AKAP6: variants seen among roughly 807,000 people sequenced by gnomAD.
AKAP6 encodes A-kinase anchoring protein 6, also known as A-kinase anchor protein 6.
A neutral mutation model predicts 188.5 loss-of-function variants in AKAP6; 58 were observed. The ratio of observed to expected loss-of-function variants is 0.31; its 90% CI spans 0.25 to 0.38. The LOEUF is 0.38. AKAP6 is among the 10% of genes least tolerant of loss of function. AKAP6 has a pLI of 1.00. For missense variants in AKAP6, 2,710 were observed against 2,740.0 expected (o/e 0.99, Z 0.24); for synonymous variants, 989 against 998.6 (o/e 0.99, Z 0.18).
At position 32,824,193 on chromosome 14, in the gene AKAP6, A is replaced by G. The variant is rs145616968; in HGVS notation, c.6380A>G (p.Asn2127Ser). The G allele has an allele frequency of 5.9e-4, 946 of 1,613,958 alleles. No homozygotes were observed. Among genetic ancestry groups the G allele is most frequent in the Middle Eastern group, 8.3e-4 (5 of 6,058 alleles). Residue 2127 changes from asparagine to serine, a missense_variant, in exon 13 of 14, where the codon AAT becomes AGT. By Grantham distance (46) the Asn-to-Ser change is conservative. Around this residue, in one of 2 missense-constraint regions of AKAP6, gnomAD observed 2,473 missense variants for 2,426.1 expected, o/e 1.02. Transcript: ENST00000280979. ...GACAGTGATTGTGGGGAGGTCACCA[A>G]TTACATAGAAGAGAAAAGCAGCACT... ...SHDSDCGEVT[N>S]YIEEKSSTPL...
intron 1 of AKAP6, among the ~76,000 whole-genome samples, chr14:32,402,363 C>T (rs1044663482): frequency 1.3e-5 from 2 of 152,182 alleles, no homozygotes; most frequent in Admixed American, 6.5e-5. Flanking sequence ...AGTTAACATA[C>T]AGCATTTTTC....
At chr14:32,453,701 A>C (rs1891023840) in intron 2 of AKAP6, among the ~76,000 whole-genome samples, 1 of 139,892 alleles carries the variant, frequency 7.1e-6, no homozygotes, top group Non-Finnish European at 1.5e-5. Context: ...GGTTCACGCC[A>C]TTCTCCTGCC....
At chr14:32,550,345 G>T (rs1033827983) in intron 4 of AKAP6, among the ~76,000 whole-genome samples, 1 of 152,152 alleles carries the variant, frequency 6.6e-6, no homozygotes, top group Admixed American at 6.5e-5. Flanking sequence ...AAGAAGAAAT[G>T]GTTTATAGGC....
At chr14:32,573,328 A>G (rs1884575922) in intron 4 of AKAP6, among the ~76,000 whole-genome samples, 1 of 152,180 alleles carries the variant, frequency 6.6e-6, no homozygotes, top group Admixed American at 6.5e-5. Flanking sequence ...CATGAAGAAA[A>G]TCTGATTTTT....
chr14:32,403,924 G>T (rs896375993), intron 1 of AKAP6, among the ~76,000 whole-genome samples: 7 of 152,096 alleles, frequency 4.6e-5, no homozygotes, highest in African/African-American at 1.7e-4. Flanking sequence ...TTATTTTGCA[G>T]AAATTATGTG....
intron 11 of AKAP6, among the ~76,000 whole-genome samples, chr14:32,750,891 T>TGC (rs2032107509): frequency 6.6e-6 from 1 of 151,010 alleles, no homozygotes; most frequent in Non-Finnish European, 1.5e-5. Context: ...CCTGCCACCA[T>TGC]GCCCGGCTAA....
chr14:32,815,391 C>T (rs1471985310), intron 12 of AKAP6, among the ~76,000 whole-genome samples: 2 of 152,144 alleles, frequency 1.3e-5, no homozygotes, highest in East Asian at 3.9e-4. Context: ...TTTGATTGCT[C>T]TAATGGGTCA....
intron 2 of AKAP6, among the ~76,000 whole-genome samples, chr14:32,499,787 C>A (rs1167088257): frequency 6.6e-6 from 1 of 151,714 alleles, no homozygotes; most frequent in Non-Finnish European, 1.5e-5. Flanking sequence ...TCATTAATCA[C>A]TTAAAAAGAG....
At chr14:32,660,924 A>ACCC (rs1240351554) in intron 7 of AKAP6, among the ~76,000 whole-genome samples, 15 of 41,086 alleles carry the variant, frequency 3.7e-4, no homozygotes, top group Non-Finnish European at 4.8e-4. Context: ...CTTCCCCGCC[A>ACCC]CCCCCCCCCC....
intron 4 of AKAP6, among the ~76,000 whole-genome samples, chr14:32,558,462 G>C (rs11845878): frequency 0.072 from 10,884 of 152,112 alleles, 520 homozygotes; most frequent in African/African-American, 0.13. Flanking sequence ...CACAGGAGAG[G>C]GAATACTTGA....
chr14:32,548,674 G>A (rs1478856436), intron 4 of AKAP6, among the ~76,000 whole-genome samples: 1 of 152,140 alleles, frequency 6.6e-6, no homozygotes, highest in Non-Finnish European at 1.5e-5. Context: ...GACAGAGACA[G>A]ACAAACCAGA....
intron 4 of AKAP6, among the ~76,000 whole-genome samples, chr14:32,576,539 T>A (rs947626215): frequency 6.6e-6 from 1 of 152,218 alleles, no homozygotes; most frequent in Non-Finnish European, 1.5e-5. Flanking sequence ...GGTCCCACTT[T>A]CTACGCTTCC....
At chr14:32,772,159 A>G (rs2032919841) in intron 11 of AKAP6, among the ~76,000 whole-genome samples, 1 of 152,108 alleles carries the variant, frequency 6.6e-6, no homozygotes, top group African/African-American at 2.4e-5. Flanking sequence ...TTGTAGGAAG[A>G]GATGGTAACA....
chr14:32,531,270 A>T (rs1882402281), intron 2 of AKAP6, among the ~76,000 whole-genome samples: 7 of 152,192 alleles, frequency 4.6e-5, no homozygotes, highest in Admixed American at 4.6e-4. Flanking sequence ...GTGTTAACTC[A>T]CTTTGAGATG....
intron 3 of AKAP6, among the ~76,000 whole-genome samples, chr14:32,541,097 C>G (rs1387295098): frequency 1.3e-5 from 2 of 151,948 alleles, no homozygotes; most frequent in African/African-American, 4.8e-5. Context: ...AGTTATTACC[C>G]CACAAGTGAT....
intron 5 of AKAP6, among the ~76,000 whole-genome samples, chr14:32,598,517 A>C (rs965572093): frequency 6.6e-6 from 1 of 152,176 alleles, no homozygotes; most frequent in Non-Finnish European, 1.5e-5. Context: ...ATGGATATCC[A>C]CAATTCCTGC....
intron 1 of AKAP6, among the ~76,000 whole-genome samples, chr14:32,424,245 C>T (rs1158418332): frequency 6.6e-6 from 1 of 151,968 alleles, no homozygotes; most frequent in Non-Finnish European, 1.5e-5. Context: ...AGATTTATTC[C>T]AAACTCCATA....
intron 11 of AKAP6, among the ~76,000 whole-genome samples, chr14:32,760,129 A>T (rs2032488139): frequency 6.6e-6 from 1 of 152,234 alleles, no homozygotes; most frequent in African/African-American, 2.4e-5. Flanking sequence ...AGGTTGTTTC[A>T]TGCAAATTAT....
At chr14:32,663,730 A>G (rs1450043380) in intron 7 of AKAP6, among the ~76,000 whole-genome samples, 4 of 152,114 alleles carry the variant, frequency 2.6e-5, no homozygotes, top group African/African-American at 7.2e-5. Context: ...GGCTGGCGTG[A>G]TGGACAGCAA....
Sources: allele counts gnomAD v4.1 joint callset (sites outside exome capture counted in the v4.1 genomes callset), GRCh38; gene constraint gnomAD v4.1.1; regional missense constraint gnomAD v4.1.1; transcripts MANE v1.5; gene names NCBI Gene and HGNC (gene_info 2026-07-23, HGNC 2026-07-21).